Variants in SLC39A14 observed in about 807,000 individuals in gnomAD.
The protein encoded by SLC39A14 is solute carrier family 39 member 14, also known as metal cation symporter ZIP14.
A neutral mutation model predicts 45.5 loss-of-function variants in SLC39A14; 19 were observed. The ratio of observed to expected loss-of-function variants is 0.42; its 90% confidence interval spans 0.29 to 0.61. SLC39A14 has a LOEUF of 0.61. Among genes scored for constraint, SLC39A14 ranks in the 20% least tolerant of loss-of-function variants. The pLI is 0.22. For synonymous variants in SLC39A14, 264 were observed against 251.3 expected (o/e 1.05, Z -0.48); for missense variants, 447 against 616.5 (o/e 0.73, Z 2.91).
Position 22,412,200 on chromosome 8 carries a change from C to T in SLC39A14, c.621C>T (p.Ile207=), listed in dbSNP as rs1392819681. The stretch of plus-strand genomic sequence containing the variant: ...ACTCCAACGCCCTCTTCCAGCTCAT[C>T]CCGGAGGTATGGCAAGCCAGGGCCT... ...TLYSNALFQL[I]PEAFGFNPLE... Residue 207 remains isoleucine, a synonymous_variant, in exon 4 of 9, where the codon ATC becomes ATT. Coordinates refer to ENST00000381237, the MANE Select transcript of SLC39A14 (RefSeq NM_001128431.4). 1.2e-5 allele frequency: 19 copies of T among 1,551,634 alleles called. No homozygotes were observed. In the South Asian group the frequency reaches 2.3e-4, roughly 18 times the overall value.
downstream of SLC39A14, among the ~76,000 whole-genome samples, chr8:22,426,770 G>A (rs1016167934): frequency 6.6e-5 from 10 of 151,948 alleles, no homozygotes; most frequent in East Asian, 1.2e-3. Flanking sequence ...TGCAACCTCC[G>A]CCTCCCAGGT....
At position 22,404,994 on chromosome 8, in the gene SLC39A14, G is replaced by T; in HGVS notation, c.270+14G>T. 1 of 1,610,394 alleles carries T rather than the reference G, an allele frequency of 6.2e-7. No homozygotes were observed. Among genetic ancestry groups the T allele is most frequent in the African/African-American group, 1.3e-5 (1 of 75,036 alleles). ...AACCTCTCCACGGTAAGGCTCCCCT[G>T]TGAGCCAGCAGCTCTGCTCAGCCCC... On this transcript the variant is annotated intron_variant, in intron 2 of 8. Transcript: ENST00000381237.
intron 8 of SLC39A14, among the ~76,000 whole-genome samples, chr8:22,432,555 T>G (rs1221106776): frequency 6.6e-6 from 1 of 151,606 alleles, no homozygotes; most frequent in Non-Finnish European, 1.5e-5. Flanking sequence ...CATGGTTCAC[T>G]TCAGCCTCAA....
intron 2 of SLC39A14, 132 bp from the exon 3 acceptor site, chr8:22,408,178 C>T (rs1835339019): frequency 1.3e-6 from 1 of 789,222 alleles, no homozygotes. Context: ...CTAGATGAAT[C>T]TACAAATTCC....
chr8:22,419,296 G>A (rs544840770), intron 8 of SLC39A14, among the ~76,000 whole-genome samples: 1 of 152,098 alleles, frequency 6.6e-6, no homozygotes, highest in South Asian at 2.1e-4. Flanking sequence ...CAATTCTCCT[G>A]CCTCAGCCTC....
At chr8:22,410,243 G>C (rs191815220) in intron 3 of SLC39A14, 65 of 943,488 alleles carry the variant, frequency 6.9e-5, no homozygotes, top group Non-Finnish European at 9.6e-5. Context: ...CCTGTCCCTC[G>C]TATCAAAGCC....
chr8:22,412,812 C>T (rs1274054225), intron 4 of SLC39A14, among the ~76,000 whole-genome samples: 2 of 152,100 alleles, frequency 1.3e-5, no homozygotes, highest in South Asian at 2.1e-4. Context: ...GACGTGGTAG[C>T]GCACGCCTGT....
At chr8:22,373,821 G>C (rs946761812) in intron 1 of SLC39A14, among the ~76,000 whole-genome samples, 4 of 150,692 alleles carry the variant, frequency 2.7e-5, no homozygotes, top group Non-Finnish European at 5.9e-5. Context: ...CGGGAGTGCA[G>C]TAGCGCAATC....
chr8:22,431,015 T>C (rs1435698419), intron 8 of SLC39A14, among the ~76,000 whole-genome samples: 1 of 141,768 alleles, frequency 7.1e-6, no homozygotes, highest in East Asian at 2.0e-4. Context: ...TTTGATGGAG[T>C]CTCCCTCTGT....
intron 4 of SLC39A14, among the ~76,000 whole-genome samples, chr8:22,414,365 T>G (rs1448040949): frequency 6.6e-6 from 1 of 152,210 alleles, no homozygotes; most frequent in Non-Finnish European, 1.5e-5. Context: ...CCATCTCCCT[T>G]TGTGTTTACA....
chr8:22,390,256 A>G (rs1445305801), intron 1 of SLC39A14: 2 of 151,590 alleles, frequency 1.3e-5, no homozygotes, highest in East Asian at 3.9e-4. Flanking sequence ...ATTCCCTTGT[A>G]TGTGGTCAAA....
At chr8:22,385,865 G>T (rs1436376929) in intron 1 of SLC39A14, among the ~76,000 whole-genome samples, 3 of 152,158 alleles carry the variant, frequency 2.0e-5, no homozygotes, top group African/African-American at 4.8e-5. Context: ...GAATGAAAAA[G>T]ATTTTATTCT....
chr8:22,395,604 A>G (rs1421065739), intron 1 of SLC39A14, among the ~76,000 whole-genome samples: 1 of 152,136 alleles, frequency 6.6e-6, no homozygotes, highest in Non-Finnish European at 1.5e-5. Flanking sequence ...GTCATAATGT[A>G]TTGGTTCTTC....
At chr8:22,381,143 T>G (rs1286168872) in intron 1 of SLC39A14, among the ~76,000 whole-genome samples, 1 of 151,786 alleles carries the variant, frequency 6.6e-6, no homozygotes, top group Non-Finnish European at 1.5e-5. Flanking sequence ...CCGGCTAATT[T>G]TTGTATTTTT....
intron 1 of SLC39A14, among the ~76,000 whole-genome samples, chr8:22,391,377 T>G (rs1169666054): frequency 6.6e-6 from 1 of 152,180 alleles, no homozygotes; most frequent in African/African-American, 2.4e-5. Context: ...GAGTGAGTTT[T>G]TAAAGCCAGC....
Position 22,421,661 on chromosome 8 carries a change from A to C in SLC39A14, c.*1963A>C, listed in dbSNP as rs1836235857. ...AGCAGAAAATAACTCAAAGTTGAAG[A>C]CTCTGGAAGATTTTGCTTTAACCTA... On this transcript the variant is annotated 3_prime_UTR_variant, in exon 9 of 9. Transcript: ENST00000381237. The C allele has an allele frequency of 1.0e-6, 1 of 985,702 alleles. No homozygotes were observed. Among genetic ancestry groups the C allele is most frequent in the African/African-American group, 1.7e-5 (1 of 57,346 alleles). The allele number at this position is 985,702 out of a possible 1,614,324, so 61.1% of individuals were successfully genotyped here. A position where few individuals can be genotyped will look rare whatever the true frequency, so the allele number is the denominator to read the frequency against.
At chr8:22,369,779 G>A (rs1391800927) in intron 1 of SLC39A14, among the ~76,000 whole-genome samples, 1 of 152,160 alleles carries the variant, frequency 6.6e-6, no homozygotes, top group East Asian at 1.9e-4. Context: ...CTGGAACATA[G>A]TAGAGGGCTG....
intron 1 of SLC39A14, chr8:22,398,440 GTT>G (rs1834642152): frequency 6.6e-6 from 1 of 152,304 alleles, no homozygotes; most frequent in Non-Finnish European, 1.5e-5. Flanking sequence ...AGTTGGGCAA[GTT>G]TGTCTCTGGA....
Position 22,415,867 on chromosome 8 carries a change from C to T in SLC39A14, c.849C>T (p.Asp283=), listed in dbSNP as rs1186620116. Residue 283 remains aspartate, a synonymous_variant, in exon 6 of 9, where the codon GAC becomes GAT. Transcript: ENST00000381237. ...VMEKLQNGDL[D]HMIPQHCSSE... ...AGAAGCTGCAGAACGGGGACCTGGA[C>T]CACATGATTCCTCAGCACTGCAGCA... 3 of 1,613,200 alleles carry T rather than the reference C, an allele frequency of 1.9e-6. No individual in the cohort carries two copies. The highest frequency in any genetic ancestry group is 1.1e-5 in the South Asian group (1 of 90,924).
Sources: allele counts gnomAD v4.1 joint callset (sites outside exome capture counted in the v4.1 genomes callset), GRCh38; gene constraint gnomAD v4.1.1; transcripts MANE v1.5; gene names NCBI Gene and HGNC (gene_info 2026-07-23, HGNC 2026-07-21).